SLC6A20: variants seen among roughly 807,000 people sequenced by gnomAD.
SLC6A20 encodes sodium- and chloride-dependent transporter XTRP3.
In SLC6A20, 73 loss-of-function variants were observed where a neutral mutation model predicts 64.3. That is an observed-to-expected ratio of 1.14 (90% CI 0.94 to 1.38). SLC6A20 has a LOEUF of 1.38. Ranked by LOEUF, SLC6A20 falls within the 40% of genes most tolerant of loss-of-function variation. The probability of loss-of-function intolerance (pLI) is 0.00; values close to 1 mark genes in which losing one functional copy is unlikely to be tolerated. For synonymous variants in SLC6A20, 347 were observed against 329.6 expected (o/e 1.05, Z -0.57); for missense variants, 725 against 772.8 (o/e 0.94, Z 0.73).
At chr3:45,771,718 C>T (rs991491659) in intron 5 of SLC6A20, 5 of 574,538 alleles carry the variant, frequency 8.7e-6, no homozygotes, top group South Asian at 4.3e-5. Flanking sequence ...TAAGGTGCTA[C>T]GTATCCTCCA....
rs368640464 is a variant in SLC6A20 at position 45,765,081 on chromosome 3, C to T, written c.1303+456G>A. Among the ~76,000 whole-genome samples, 3 of 151,044 alleles carry T rather than the reference C, an allele frequency of 2.0e-5. No individual in the cohort carries two copies. The highest frequency in any genetic ancestry group is 6.6e-5 in the Admixed American group (1 of 15,182). On this transcript the variant is annotated intron_variant, in intron 8 of 10. Transcript: ENST00000358525. The surrounding 1 kb of genome is among the most constrained non-coding windows in gnomAD (Gnocchi z 4.2). ...TACAAAAATTAGCCAGGTGTCATGG[C>T]GTGCACCTGTAATCCCAGCTACTCG... is the stretch of plus-strand genomic sequence containing the variant.
intron 1 of SLC6A20, chr3:45,790,429 A>G (rs1700230342): frequency 6.6e-6 from 1 of 150,984 alleles, no homozygotes; most frequent in Admixed American, 6.6e-5. Flanking sequence ...ATTCTGTGAG[A>G]CTCTCCACCC....
Position 45,772,740 on chromosome 3 carries a change from A to C in SLC6A20, c.583-125T>G, listed in dbSNP as rs1236642994. 8 of 755,352 alleles carry C rather than the reference A, an allele frequency of 1.1e-5. No homozygotes were observed. In the Admixed American group the frequency reaches 2.1e-4, roughly 20 times the overall value. 46.8% of individuals were successfully genotyped at this position (755,352 alleles called of 1,614,324 possible). On this transcript the variant is annotated intron_variant, in intron 4 of 10. Transcript: ENST00000358525. ...ACCGCCCAGCTGCTGACAGCTGGAA[A>C]AGGCATGGAGATTCTTGGTCACACA...
intron 2 of SLC6A20, among the ~76,000 whole-genome samples, chr3:45,781,318 A>T (rs1411354126): frequency 1.3e-5 from 2 of 152,174 alleles, no homozygotes; most frequent in African/African-American, 4.8e-5. Context: ...CTGCATCTGC[A>T]ACCAGGTCAC....
chr3:45,780,436 CTG>C (rs1350270770), intron 2 of SLC6A20, among the ~76,000 whole-genome samples: 2 of 152,192 alleles, frequency 1.3e-5, no homozygotes, highest in African/African-American at 2.4e-5. Flanking sequence ...GAAGAGAAAA[CTG>C]AGGCCTGGAG....
At chr3:45,768,424 A>C (rs1174082414) in intron 7 of SLC6A20, among the ~76,000 whole-genome samples, 1 of 152,240 alleles carries the variant, frequency 6.6e-6, no homozygotes, top group Non-Finnish European at 1.5e-5. Context: ...AAAGTAAGTG[A>C]GGAAAACTCC....
Position 45,781,570 on chromosome 3 carries a change from T to C in SLC6A20, c.262+513A>G, listed in dbSNP as rs181231791. On this transcript the variant is annotated intron_variant, in intron 2 of 10. Coordinates refer to ENST00000358525, the MANE Select transcript of SLC6A20 (RefSeq NM_020208.4). ...AGCATGAGATGAAACAGTCCTCTCCTGCTGTCCGTGCGGGCCTCAGCTTCC... is the reference window on the plus strand; with the variant it reads ...AGCATGAGATGAAACAGTCCTCTCCCGCTGTCCGTGCGGGCCTCAGCTTCC... 2.0e-5 allele frequency among the ~76,000 whole-genome samples: 3 copies of C among 152,306 alleles called. No homozygotes were observed. The East Asian group carries it at 5.8e-4, about 29-fold the overall frequency.
At chr3:45,764,394 C>T (rs191640010) in intron 8 of SLC6A20, among the ~76,000 whole-genome samples, 2 of 152,122 alleles carry the variant, frequency 1.3e-5, no homozygotes, top group East Asian at 1.9e-4. Flanking sequence ...AATAGGACTT[C>T]GTTCATATGA....
chr3:45,780,349 TCTAA>T (rs1291194960), intron 2 of SLC6A20, among the ~76,000 whole-genome samples: 1 of 152,234 alleles, frequency 6.6e-6, no homozygotes, highest in Admixed American at 6.5e-5. Flanking sequence ...GTTTTTGAGA[TCTAA>T]CTGCCAGGCA....
intron 1 of SLC6A20, among the ~76,000 whole-genome samples, chr3:45,788,636 A>G (rs1302667885): frequency 1.3e-5 from 2 of 152,248 alleles, no homozygotes; most frequent in African/African-American, 4.8e-5. Context: ...ATACCTAATA[A>G]CTAATAAAAA....
At chr3:45,761,226 C>G (rs565582081) in intron 9 of SLC6A20, among the ~76,000 whole-genome samples, 10 of 151,604 alleles carry the variant, frequency 6.6e-5, no homozygotes, top group African/African-American at 1.5e-4. Flanking sequence ...CCCCATAACC[C>G]CCCCCCCTTT....
At chr3:45,778,027 T>C (rs939921662) in intron 3 of SLC6A20, among the ~76,000 whole-genome samples, 5 of 152,186 alleles carry the variant, frequency 3.3e-5, no homozygotes, top group African/African-American at 1.2e-4. Flanking sequence ...GTTTAGCGTA[T>C]AGGAGAACTT....
At chr3:45,768,295 G>T (rs368920402) in intron 7 of SLC6A20, among the ~76,000 whole-genome samples, 22 of 151,604 alleles carry the variant, frequency 1.5e-4, no homozygotes, top group African/African-American at 5.3e-4. Context: ...AAACAGCAGG[G>T]AATAAAGTGG....
chr3:45,795,026 C>G (rs1003017711), intron 1 of SLC6A20, among the ~76,000 whole-genome samples: 50 of 152,258 alleles, frequency 3.3e-4, no homozygotes, highest in Admixed American at 2.5e-3. Flanking sequence ...AGCTCTTGGT[C>G]TTCTCAAATG....
chr3:45,791,446 C>T (rs143940673), intron 1 of SLC6A20, among the ~76,000 whole-genome samples: 1 of 152,286 alleles, frequency 6.6e-6, no homozygotes, highest in East Asian at 1.9e-4. Context: ...AGAGGCTTCT[C>T]CACCAGTAGG....
chr3:45,775,542 G>A (rs1046116416), intron 4 of SLC6A20, among the ~76,000 whole-genome samples: 2 of 151,900 alleles, frequency 1.3e-5, no homozygotes, highest in Admixed American at 6.6e-5. Flanking sequence ...TGAGATTTAG[G>A]GTTGCAACTT....
rs952498949 is a variant in SLC6A20 at position 45,756,551 on chromosome 3, A to C, written c.*2427T>G. On this transcript the variant is annotated 3_prime_UTR_variant, in exon 11 of 11. Coordinates refer to ENST00000358525, the MANE Select transcript of SLC6A20 (RefSeq NM_020208.4). ...AGATGGTTGCTGAAGACAGTAGAAG[A>C]CCTTTCTAAAGCCTATTTTTGCTGT... The C allele has an allele frequency of 6.6e-6, 1 of 152,132 alleles. No individual in the cohort carries two copies. Among genetic ancestry groups the C allele is most frequent in the African/African-American group, 2.4e-5 (1 of 41,414 alleles). 9.4% of individuals were successfully genotyped at this position (152,132 alleles called of 1,614,324 possible).
intron 9 of SLC6A20, among the ~76,000 whole-genome samples, chr3:45,760,774 G>A (rs11717357): frequency 0.094 from 14,363 of 152,286 alleles, 836 homozygotes; most frequent in East Asian, 0.16. Context: ...AGTATAAAAA[G>A]TATCTTTGGC....
intron 3 of SLC6A20, among the ~76,000 whole-genome samples, chr3:45,776,936 C>T (rs573153348): frequency 1.3e-5 from 2 of 152,278 alleles, no homozygotes; most frequent in African/African-American, 4.8e-5. Flanking sequence ...AAAGGAGCCT[C>T]AATGGTGCAT....
Sources: gnomAD v4.1 joint callset for allele counts (sites outside exome capture counted in the v4.1 genomes callset) on GRCh38, gnomAD v4.1.1 for gene constraint, Gnocchi (gnomAD v3.1) non-coding constraint, MANE v1.5 for transcripts, NCBI Gene and HGNC (gene_info 2026-07-23, HGNC 2026-07-21) for gene names.